Variants in GRB10 observed in about 807,000 individuals in gnomAD.
GRB10 encodes growth factor receptor-bound protein 10.
A neutral mutation model predicts 80.9 loss-of-function variants in GRB10; 20 were observed. That is an observed-to-expected ratio of 0.25 (90% CI 0.17 to 0.36). The LOEUF (loss-of-function observed/expected upper bound fraction) is 0.36. Ranked by LOEUF, GRB10 falls within the 10% of genes least tolerant of loss-of-function variation. The pLI, the probability that GRB10 is intolerant of heterozygous loss-of-function variation, is 1.00. For synonymous variants in GRB10, 291 were observed against 291.5 expected (o/e 1.00, Z 0.02); for missense variants, 548 against 747.7 (o/e 0.73, Z 3.12).
In GRB10 at chr7:50,732,379, G is replaced by T; in HGVS notation, c.-46-11C>A. On this transcript the variant is annotated splice_polypyrimidine_tract_variant and intron_variant, in intron 3 of 18. Coordinates refer to ENST00000401949, the MANE Select transcript of GRB10 (RefSeq NM_001350814.2). The stretch of plus-strand genomic sequence containing the variant: ...ACTGCGCTGCAGCACCTGGAATAAA[G>T]ACAGACTGTGAGAAGCCAAGCCAGA... 7.0e-7 allele frequency: 1 copy of T among 1,431,796 alleles called. No individual in the cohort carries two copies. The highest frequency in any genetic ancestry group is 9.8e-7 in the Non-Finnish European group (1 of 1,019,154). The allele number at this position is 1,431,796 out of a possible 1,614,324, so 88.7% of individuals were successfully genotyped here.
intron 8 of GRB10, among the ~76,000 whole-genome samples, chr7:50,622,376 C>G (rs1444916639): frequency 6.6e-6 from 1 of 152,198 alleles, no homozygotes; most frequent in Non-Finnish European, 1.5e-5. Context: ...TGTCAGCATC[C>G]AACAGCGTGG....
At chr7:50,783,561 CACAT>C (rs2078537269), upstream of GRB10, among the ~76,000 whole-genome samples, 1 of 151,840 alleles carries the variant, frequency 6.6e-6, no homozygotes. Context: ...CCCCCGCACA[CACAT>C]ACACCACAGA....
chr7:50,616,191 G>C lies in GRB10; in HGVS notation c.984+19C>G. 6.2e-7 allele frequency: 1 copy of C among 1,614,078 alleles called. No homozygotes were observed. Among genetic ancestry groups the C allele is most frequent in the Non-Finnish European group, 8.5e-7 (1 of 1,179,960 alleles). ...CTGTGGCAGAATTAGGGCTGGTGGT[G>C]GTAGCTTTTAAAGCTCACCTTTGAA... On this transcript the variant is annotated intron_variant, in intron 11 of 18. Coordinates refer to ENST00000401949, the MANE Select transcript of GRB10 (RefSeq NM_001350814.2).
intron 3 of GRB10, chr7:50,747,653 G>A (rs1327995755): frequency 6.6e-6 from 1 of 152,218 alleles, no homozygotes; most frequent in Non-Finnish European, 1.5e-5. Context: ...CAGCTCCATG[G>A]GACCCCAGCT....
chr7:50,627,017 T>G, intron 7 of GRB10, 39 bp from the exon 8 acceptor site: 1 of 1,606,194 alleles, frequency 6.2e-7, no homozygotes, highest in Non-Finnish European at 8.5e-7. Context: ...ATAAACAACT[T>G]CGGGCTTTCA....
chr7:50,628,105 G>A (rs2053309146), intron 7 of GRB10, among the ~76,000 whole-genome samples: 1 of 152,162 alleles, frequency 6.6e-6, no homozygotes, highest in Non-Finnish European at 1.5e-5. Context: ...CACACCAACT[G>A]GTCAGAAAAA....
At chr7:50,615,361 A>G (rs934985643) in intron 11 of GRB10, among the ~76,000 whole-genome samples, 3 of 152,226 alleles carry the variant, frequency 2.0e-5, no homozygotes, top group East Asian at 1.9e-4. Context: ...TCCCAACTTC[A>G]GCACACACGA....
rs2045972330 is a variant in GRB10 at position 50,592,835 on chromosome 7, C to T, written c.*117G>A. ...CTTGGTCGGCTGGCACCGAACAAAC[C>T]CATCTCGCTCTGGGTCCCCAGGTGC... On this transcript the variant is annotated 3_prime_UTR_variant, in exon 19 of 19. Coordinates refer to ENST00000401949, the MANE Select transcript of GRB10 (RefSeq NM_001350814.2). 1.7e-6 allele frequency: 2 copies of T among 1,189,970 alleles called. No individual in the cohort carries two copies. The highest frequency in any genetic ancestry group is 1.5e-5 in the African/African-American group (1 of 66,804). The allele number at this position is 1,189,970 out of a possible 1,614,324, so 73.7% of individuals were successfully genotyped here.
intron 5 of GRB10, among the ~76,000 whole-genome samples, chr7:50,690,771 C>A (rs1294795325): frequency 6.6e-6 from 1 of 152,238 alleles, no homozygotes; most frequent in Non-Finnish European, 1.5e-5. Flanking sequence ...TGGGATAAAG[C>A]CCTCTATTGA....
intron 1 of GRB10, chr7:50,792,723 C>G (rs2078982601): frequency 6.0e-6 from 2 of 332,800 alleles, no homozygotes; most frequent in Non-Finnish European, 1.1e-5. Context: ...CCCGGACGCC[C>G]GGACGCCCGG....
At chr7:50,627,927 C>G (rs12673641) in intron 7 of GRB10, among the ~76,000 whole-genome samples, 2 of 152,300 alleles carry the variant, frequency 1.3e-5, no homozygotes, top group Admixed American at 1.3e-4. Context: ...AGGGAGGCCA[C>G]CCACCCACCC....
intron 3 of GRB10, among the ~76,000 whole-genome samples, chr7:50,747,314 A>G (rs776267271): frequency 6.6e-6 from 1 of 152,182 alleles, no homozygotes; most frequent in Non-Finnish European, 1.5e-5. Context: ...CCCGCGAAGC[A>G]GAGCAGGTCC....
chr7:50,668,487 G>T (rs2060037232), intron 7 of GRB10, among the ~76,000 whole-genome samples: 1 of 152,204 alleles, frequency 6.6e-6, no homozygotes, highest in Non-Finnish European at 1.5e-5. Context: ...GCACCATCAG[G>T]TCTCAGCCAC....
At chr7:50,614,624 G>GT in intron 12 of GRB10, 146 bp downstream of exon 12, 1 of 734,286 alleles carries the variant, frequency 1.4e-6, no homozygotes, top group Non-Finnish European at 2.5e-6. Context: ...TACAATAAAT[G>GT]TTTTTACAGG....
intron 7 of GRB10, among the ~76,000 whole-genome samples, chr7:50,668,484 C>G (rs1389625820): frequency 1.3e-5 from 2 of 152,252 alleles, no homozygotes; most frequent in African/African-American, 4.8e-5. Context: ...GCCGCACCAT[C>G]AGGTCTCAGC....
intron 2 of GRB10, among the ~76,000 whole-genome samples, chr7:50,769,950 G>C (rs2076811893): frequency 1.3e-5 from 2 of 152,218 alleles, no homozygotes; most frequent in African/African-American, 4.8e-5. Context: ...AAGGTGACCT[G>C]AGGATAGAAA....
intron 3 of GRB10, among the ~76,000 whole-genome samples, chr7:50,744,262 T>C (rs940784592): frequency 6.6e-6 from 1 of 152,128 alleles, no homozygotes; most frequent in Non-Finnish European, 1.5e-5. Context: ...GCCGGCAGGC[T>C]GGAGTCAAAG....
At chr7:50,711,689 C>A (rs1209369042) in intron 4 of GRB10, among the ~76,000 whole-genome samples, 1 of 152,168 alleles carries the variant, frequency 6.6e-6, no homozygotes, top group Non-Finnish European at 1.5e-5. Context: ...TATGCCTGCT[C>A]TAGAACTCTG....
At chr7:50,637,524 A>G (rs2055298565) in intron 7 of GRB10, among the ~76,000 whole-genome samples, 1 of 152,180 alleles carries the variant, frequency 6.6e-6, no homozygotes, top group African/African-American at 2.4e-5. Context: ...GAAAACTACA[A>G]ACCCTCATGA....
Sources: gnomAD v4.1 joint callset for allele counts (sites outside exome capture counted in the v4.1 genomes callset) on GRCh38, gnomAD v4.1.1 for gene constraint, MANE v1.5 for transcripts, NCBI Gene and HGNC (gene_info 2026-07-23, HGNC 2026-07-21) for gene names.